MYH9: variants seen among roughly 807,000 people sequenced by gnomAD.
MYH9 encodes the protein myosin-9.
In MYH9, 29 loss-of-function variants were observed where a neutral mutation model predicts 241.9. The ratio of observed to expected loss-of-function variants is 0.12; its 90% confidence interval spans 0.09 to 0.16. MYH9 has a LOEUF of 0.16. Ranked by LOEUF, MYH9 falls within the 10% of genes least tolerant of loss-of-function variation. The pLI, the probability that MYH9 is intolerant of heterozygous loss-of-function variation, is 1.00. For missense variants in MYH9, 1,803 were observed against 2,595.5 expected, an observed-to-expected ratio of 0.69 and a Z score of 6.63; for synonymous variants, 1,047 against 1,062.6, an observed-to-expected ratio of 0.99 and a Z score of 0.29.
At chr22:36,353,368 CT>C (rs1011826087) in intron 1 of MYH9, among the ~76,000 whole-genome samples, 15 of 149,850 alleles carry the variant, frequency 1.0e-4, no homozygotes, top group African/African-American at 3.2e-4. Context: ...CTCTTTGAAA[CT>C]TTTTTTTTTG....
chr22:36,385,926 T>G (rs2018344881), intron 1 of MYH9, among the ~76,000 whole-genome samples: 1 of 152,204 alleles, frequency 6.6e-6, no homozygotes, highest in Non-Finnish European at 1.5e-5. Flanking sequence ...GCTTCTCCCT[T>G]GTAGCAGCCT....
chr22:36,292,140 A>C lies in MYH9; in HGVS notation c.4190T>G (p.Leu1397Arg). 1 of 1,614,180 alleles carries C rather than the reference A, an allele frequency of 6.2e-7. No individual in the cohort carries two copies. Among genetic ancestry groups the C allele is most frequent in the Non-Finnish European group, 8.5e-7 (1 of 1,180,044 alleles). ...KRKLQKDLEG[L>R]SQRHEEKVAA... ...CACCTTCTCCTCGTGCCGCTGGCTC[A>C]GGCCCTCCAGGTCCTTCTGGAGCTT... The change falls in exon 31 of 41, where the codon CTG (leucine) becomes CGG (arginine). Residue 1397 changes from leucine (L) to arginine (R), a missense_variant. Physicochemically the swap from Leu to Arg is moderately radical, Grantham distance 102. Around this residue, in one of 11 missense-constraint regions of MYH9, gnomAD observed 876 missense variants for 1,077.8 expected, o/e 0.81. Coordinates refer to ENST00000216181, the MANE Select transcript of MYH9 (RefSeq NM_002473.6).
intron 3 of MYH9, among the ~76,000 whole-genome samples, chr22:36,332,661 T>TAAAAAAAAAAAAAAA (rs67602880): frequency 2.2e-5 from 1 of 44,476 alleles, no homozygotes; most frequent in African/African-American, 9.9e-5. Context: ...TCTGGATAAT[T>TAAAAAAAAAAAAAAA]AAAAAAAAAA....
intron 19 of MYH9, 24 bp downstream of exon 19, chr22:36,303,971 G>A: frequency 6.2e-7 from 1 of 1,612,900 alleles, no homozygotes; most frequent in Non-Finnish European, 8.5e-7. Flanking sequence ...GGCATGCGGG[G>A]CAGGAGTATC....
intron 3 of MYH9, among the ~76,000 whole-genome samples, chr22:36,336,715 C>T (rs2017505239): frequency 2.0e-5 from 3 of 152,212 alleles, no homozygotes; most frequent in Non-Finnish European, 4.4e-5. Flanking sequence ...TGACACACAC[C>T]ACCGCCTTTC....
Position 36,295,859 on chromosome 22 carries a change from G to A in MYH9, c.3273-142C>T, listed in dbSNP as rs2016779851. On this transcript the variant is annotated intron_variant, in intron 25 of 40. Coordinates refer to ENST00000216181, the MANE Select transcript of MYH9 (RefSeq NM_002473.6). This position sits in a 1 kb window ranked among gnomAD's most constrained non-coding sequence, Gnocchi z 4.1. The stretch of plus-strand genomic sequence containing the variant: ...ATGGCACTTAGGATGGCTCTCAGCA[G>A]AAACAACATCTGAGACAACCAGATT... The A allele has an allele frequency of 4.0e-6, 3 of 757,262 alleles. No individual in the cohort carries two copies. In the South Asian group the frequency reaches 4.5e-5, roughly 11 times the overall value. 46.9% of individuals were successfully genotyped at this position (757,262 alleles called of 1,614,324 possible).
intron 1 of MYH9, among the ~76,000 whole-genome samples, chr22:36,376,922 G>A (rs1424846374): frequency 1.3e-5 from 2 of 152,166 alleles, no homozygotes; most frequent in Non-Finnish European, 2.9e-5. Flanking sequence ...AATTAGCTGG[G>A]TGTGGTGGTG....
chr22:36,300,163 C>A lies in MYH9; in HGVS notation c.2940G>T (p.Gln980His), dbSNP rs777089353. The change falls in exon 23 of 41, where the codon CAG (glutamine) becomes CAT (histidine). Residue 980 changes from glutamine (Q) to histidine (H), a missense_variant. Gln to His is a conservative substitution (Grantham distance 24). This residue lies in a region of MYH9 where 290 missense variants were observed against 360.5 expected (regional missense o/e 0.80). Transcript: ENST00000216181. This position sits in a 1 kb window ranked among gnomAD's most constrained non-coding sequence, Gnocchi z 5.0. ...TGCAGTTCTGGTCCTCCAGGATGATCTGCTCCTCCTCCAGCTTTTTCAGCT... is the reference window on the plus strand; with the variant it reads ...TGCAGTTCTGGTCCTCCAGGATGATATGCTCCTCCTCCAGCTTTTTCAGCT... The part of the protein sequence containing the change: ...EAKLKKLEEE[Q>H]IILEDQNCKL... The A allele has an allele frequency of 6.2e-7, 1 of 1,613,162 alleles. No homozygotes were observed. The highest frequency in any genetic ancestry group is 1.1e-5 in the South Asian group (1 of 91,084).
chr22:36,297,927 C>T (rs748971853), intron 24 of MYH9, among the ~76,000 whole-genome samples: 29 of 152,198 alleles, frequency 1.9e-4, no homozygotes, highest in Non-Finnish European at 4.3e-4. Context: ...GCTCTGACAG[C>T]TCCGTGTCTA....
Position 36,306,297 on chromosome 22 carries a change from C to T in MYH9, c.2037+117G>A, listed in dbSNP as rs1318351823. On this transcript the variant is annotated intron_variant, in intron 16 of 40. Transcript: ENST00000216181. The surrounding 1 kb of genome is among the most constrained non-coding windows in gnomAD (Gnocchi z 4.1). ...CAAGGCCCACCCTGCAGAGAAACGA[C>T]TGAAGGCTCTGTGCATGCTGGGGGG... 2.1e-6 allele frequency: 3 copies of T among 1,403,722 alleles called. No homozygotes were observed. Among genetic ancestry groups the T allele is most frequent in the Middle Eastern group, 1.9e-4 (1 of 5,366 alleles). The allele number at this position is 1,403,722 out of a possible 1,614,324, so 87.0% of individuals were successfully genotyped here.
chr22:36,380,460 G>T (rs1266796655), intron 1 of MYH9, among the ~76,000 whole-genome samples: 2 of 152,232 alleles, frequency 1.3e-5, no homozygotes, highest in African/African-American at 4.8e-5. Context: ...AGGCCAGGTG[G>T]CCGGGTGCGG....
rs1435921067 is a variant in MYH9 at position 36,312,299 on chromosome 22, G to C, written c.1555-77C>G. 2.7e-6 allele frequency: 4 copies of C among 1,459,528 alleles called. No individual in the cohort carries two copies. In the East Asian group the frequency reaches 9.2e-5, roughly 34 times the overall value. 90.4% of individuals were successfully genotyped at this position (1,459,528 alleles called of 1,614,324 possible). The stretch of plus-strand genomic sequence containing the variant: ...CCACCCTTCAAGAAGCCAAAGCCCG[G>C]ACATCAGAATCCCCTGAATCCCACA... On this transcript the variant is annotated intron_variant, in intron 13 of 40. Transcript: ENST00000216181.
rs776072822 is a variant in MYH9, at chr22:36,297,027, G to T, written c.3101-13C>A. On this transcript the variant is annotated splice_polypyrimidine_tract_variant and intron_variant, in intron 24 of 40. Transcript: ENST00000216181. ...CTGCGGAGGCGCTCTGCAATGCAGGGGGAGCCCACATAGCCCTCAGTGCCA... is the reference window on the plus strand; with the variant it reads ...CTGCGGAGGCGCTCTGCAATGCAGGTGGAGCCCACATAGCCCTCAGTGCCA... The T allele has an allele frequency of 5.0e-6, 8 of 1,613,432 alleles. No homozygotes were observed. The South Asian group carries it at 8.8e-5, about 18-fold the overall frequency.
chr22:36,368,977 A>G (rs1473065333), intron 1 of MYH9, among the ~76,000 whole-genome samples: 1 of 152,082 alleles, frequency 6.6e-6, no homozygotes, highest in Non-Finnish European at 1.5e-5. Flanking sequence ...ACCTGTATTA[A>G]AAGGGAAGAG....
intron 6 of MYH9, 26 bp downstream of exon 6, chr22:36,322,403 A>T (rs545082607): frequency 6.2e-7 from 1 of 1,612,280 alleles, no homozygotes; most frequent in Non-Finnish European, 8.5e-7. Context: ...CTGTCCCCAG[A>T]GCCGGGGCGC....
Position 36,369,414 on chromosome 22 carries a change from G to A in MYH9, c.-20+18393C>T, listed in dbSNP as rs567279157. Among the ~76,000 whole-genome samples the A allele has an allele frequency of 5.9e-5, 9 of 152,362 alleles. No individual in the cohort carries two copies. In the South Asian group the frequency reaches 8.3e-4, roughly 14 times the overall value. On this transcript the variant is annotated intron_variant, in intron 1 of 40. Transcript: ENST00000216181. ...CTCGCCCTGGCAAAGGCAGGAAACA[G>A]TGGGCGGCAGGCCGGCTCTGGGCAG... is the stretch of plus-strand genomic sequence containing the variant.
At chr22:36,365,832 A>G (rs563616673) in intron 1 of MYH9, among the ~76,000 whole-genome samples, 88 of 152,310 alleles carry the variant, frequency 5.8e-4, no homozygotes, top group African/African-American at 2.0e-3. Context: ...TCACAATGTG[A>G]CATACACATG....
chr22:36,385,088 G>A (rs993647635), intron 1 of MYH9, among the ~76,000 whole-genome samples: 1 of 152,022 alleles, frequency 6.6e-6, no homozygotes. Context: ...GTTTAATTAC[G>A]ACGACACACA....
intron 3 of MYH9, among the ~76,000 whole-genome samples, chr22:36,337,368 A>ATAGGTGAG (rs1179930880): frequency 6.6e-6 from 1 of 152,206 alleles, no homozygotes; most frequent in East Asian, 1.9e-4. Context: ...TAGTCTGACA[A>ATAGGTGAG]TAGGTGAGTG....
Sources: allele counts gnomAD v4.1 joint callset (sites outside exome capture counted in the v4.1 genomes callset), GRCh38; gene constraint gnomAD v4.1.1; regional missense constraint gnomAD v4.1.1; non-coding constraint Gnocchi (gnomAD v3.1); transcripts MANE v1.5; gene names NCBI Gene and HGNC (gene_info 2026-07-23, HGNC 2026-07-21).